The following MTHFD2 variants were observed in gnomAD, a reference collection of about 807,000 sequenced individuals.
MTHFD2 encodes methylenetetrahydrofolate dehydrogenase (NADP+ dependent) 2, methenyltetrahydrofolate cyclohydrolase, also known as bifunctional methylenetetrahydrofolate dehydrogenase/cyclohydrolase, mitochondrial.
A neutral mutation model predicts 36.8 loss-of-function variants in MTHFD2; 26 were observed. The observed-to-expected ratio is 0.71, with a 90% CI of 0.52 to 0.98. The LOEUF is 0.98. MTHFD2 is among the 50% of genes least tolerant of loss of function. MTHFD2 has a pLI of 0.00. For missense variants in MTHFD2, 373 were observed against 434.0 expected, an observed-to-expected ratio of 0.86 and a Z score of 1.25; for synonymous variants, 164 against 155.2, an observed-to-expected ratio of 1.06 and a Z score of -0.42.
intron 1 of MTHFD2, among the ~76,000 whole-genome samples, chr2:74,202,049 C>T (rs1694053353): frequency 6.6e-6 from 1 of 151,774 alleles, no homozygotes; most frequent in African/African-American, 2.4e-5. Context: ...TTCCCAGAAC[C>T]CTGTGTCCTT....
At chr2:74,203,928 T>TAGTTTAG (rs1463652033) in intron 1 of MTHFD2, among the ~76,000 whole-genome samples, 1 of 145,702 alleles carries the variant, frequency 6.9e-6, no homozygotes, top group African/African-American at 2.6e-5. Flanking sequence ...TAGTTTAGTT[T>TAGTTTAG]TTTGAGATGC....
chr2:74,208,695 G>T lies in MTHFD2; in HGVS notation c.536G>T (p.Gly179Val). 6.2e-7 allele frequency: 1 copy of T among 1,614,118 alleles called. No homozygotes were observed. Among genetic ancestry groups the T allele is most frequent in the Non-Finnish European group, 8.5e-7 (1 of 1,180,024 alleles). ...QYSMLPATPW[G>V]VWEIIKRTGI... ...TCCATGTTACCGGCTACTCCATGGG[G>T]TGTGTGGGAAATAATCAAGCGAACT... The change falls in exon 4 of 8, where the codon GGT becomes GTT. Residue 179 changes from glycine (G) to valine (V), a missense_variant. Coordinates refer to ENST00000394053, the MANE Select transcript of MTHFD2 (RefSeq NM_006636.4).
Position 74,213,233 on chromosome 2 carries a change from T to A in MTHFD2, c.890-846T>A, listed in dbSNP as rs548099274. Among the ~76,000 whole-genome samples, 15 of 151,606 alleles carry A rather than the reference T, an allele frequency of 9.9e-5. No individual in the cohort carries two copies. In the South Asian group the frequency reaches 3.1e-3, roughly 32 times the overall value. ...CTTTCAGTTCTTAAGATAGAATGTT[T>A]ATCCGAGTTTTATGCTGATAATCCT... On this transcript the variant is annotated intron_variant, in intron 7 of 7. Transcript: ENST00000394053.
At chr2:74,204,818 T>TGTTG (rs1437320130) in intron 1 of MTHFD2, among the ~76,000 whole-genome samples, 4 of 151,750 alleles carry the variant, frequency 2.6e-5, no homozygotes, top group Non-Finnish European at 5.9e-5. Context: ...CTGTCCAGTA[T>TGTTG]GTTGTTTGTT....
At chr2:74,199,386 T>G (rs1009352051) in intron 1 of MTHFD2, among the ~76,000 whole-genome samples, 3 of 151,978 alleles carry the variant, frequency 2.0e-5, no homozygotes, top group Non-Finnish European at 4.4e-5. Flanking sequence ...TACATAGAGG[T>G]GGCAAACATC....
rs1453192742 is a variant in MTHFD2 at position 74,216,877 on chromosome 2, G to C, written c.*2635G>C. ...CCCCCACCTCTGCCTCCCAAGTAGC[G>C]GGATTACAGGTGTGAGCCACTGTGT... On this transcript the variant is annotated 3_prime_UTR_variant, in exon 8 of 8. Coordinates refer to ENST00000394053, the MANE Select transcript of MTHFD2 (RefSeq NM_006636.4). The C allele has an allele frequency of 6.6e-6, 1 of 152,120 alleles. No individual in the cohort carries two copies. The highest frequency in any genetic ancestry group is 1.5e-5 in the Non-Finnish European group (1 of 68,050). 9.4% of individuals were successfully genotyped at this position (152,120 alleles called of 1,614,324 possible). A position where few individuals can be genotyped will look rare whatever the true frequency, so the allele number is the denominator to read the frequency against.
chr2:74,211,347 C>G, intron 6 of MTHFD2, 56 bp downstream of exon 6: 2 of 1,153,506 alleles, frequency 1.7e-6, no homozygotes, highest in South Asian at 2.7e-5. Flanking sequence ...GGAGGTTGTA[C>G]CCCTCATCTT....
intron 7 of MTHFD2, among the ~76,000 whole-genome samples, chr2:74,212,408 A>C (rs2103835554): frequency 6.6e-6 from 1 of 151,894 alleles, no homozygotes; most frequent in Non-Finnish European, 1.5e-5. Flanking sequence ...CCAGGACTAC[A>C]GGCATGGGCC....
At chr2:74,210,080 C>CT in intron 5 of MTHFD2, 31 bp downstream of exon 5, 4 of 1,565,568 alleles carry the variant, frequency 2.6e-6, no homozygotes, top group Non-Finnish European at 3.5e-6. Context: ...GAACACTGTC[C>CT]TTTTTTCCCC....
chr2:74,198,967 T>C (rs1485632099), intron 1 of MTHFD2, among the ~76,000 whole-genome samples: 1 of 152,040 alleles, frequency 6.6e-6, no homozygotes, highest in Non-Finnish European at 1.5e-5. Flanking sequence ...GAAGCCCGCC[T>C]TTCGGAGGGA....
chr2:74,206,106 C>T (rs1694174322), intron 2 of MTHFD2: 2 of 426,076 alleles, frequency 4.7e-6, no homozygotes, highest in African/African-American at 3.9e-5. Flanking sequence ...TTCTCTGTGG[C>T]TTCTGGAAAG....
At chr2:74,206,908 A>G (rs1469424251) in intron 2 of MTHFD2, among the ~76,000 whole-genome samples, 1 of 151,726 alleles carries the variant, frequency 6.6e-6, no homozygotes, top group East Asian at 2.0e-4. Context: ...GGGTTTCTCC[A>G]TGTTGGTCAG....
rs898256007 is a variant in MTHFD2, at chr2:74,200,467, T to C, written c.101+1725T>C. ...CATATTGCTTTCTTACTGCTGCTTA[T>C]TTTTTAAAATACTGTTTATTTTTAA... On this transcript the variant is annotated intron_variant, in intron 1 of 7. Coordinates refer to ENST00000394053, the MANE Select transcript of MTHFD2 (RefSeq NM_006636.4). Among the ~76,000 whole-genome samples the C allele has an allele frequency of 5.3e-5, 8 of 151,926 alleles. No individual in the cohort carries two copies. In the South Asian group the frequency reaches 6.2e-4, roughly 12 times the overall value.
intron 5 of MTHFD2, among the ~76,000 whole-genome samples, chr2:74,210,983 CACCATGTTG>C (rs1694292373): frequency 6.6e-6 from 1 of 152,142 alleles, no homozygotes; most frequent in Non-Finnish European, 1.5e-5. Flanking sequence ...GACGGGGTTT[CACCATGTTG>C]GCCAGGTTGG....
At chr2:74,212,263 C>CTTTT (rs398042480) in intron 7 of MTHFD2, among the ~76,000 whole-genome samples, 15 of 35,714 alleles carry the variant, frequency 4.2e-4, no homozygotes, top group African/African-American at 1.4e-3. Flanking sequence ...GTTTCTTTCT[C>CTTTT]TTTTTTTTTT....
rs1402170327 is a variant in MTHFD2 at position 74,216,673 on chromosome 2, A to C, written c.*2431A>C. 4.6e-5 allele frequency: 7 copies of C among 152,174 alleles called. No individual in the cohort carries two copies. The highest frequency in any genetic ancestry group is 4.6e-4 in the Admixed American group (7 of 15,278). The allele number at this position is 152,174 out of a possible 1,614,324, so 9.4% of individuals were successfully genotyped here. A position where few individuals can be genotyped will look rare whatever the true frequency, so the allele number is the denominator to read the frequency against. ...TCCCTGGCTGGAGTGCAGTGGCATG[A>C]TTATAGCTCACTGCAGCCTTGAACT... is the stretch of plus-strand genomic sequence containing the variant. On this transcript the variant is annotated 3_prime_UTR_variant, in exon 8 of 8. Coordinates refer to ENST00000394053, the MANE Select transcript of MTHFD2 (RefSeq NM_006636.4).
chr2:74,211,943 AC>A (rs1471428468), intron 7 of MTHFD2, 77 bp downstream of exon 7: 149 of 690,448 alleles, frequency 2.2e-4, no homozygotes, highest in South Asian at 4.4e-4. Context: ...TAGATTATTT[AC>A]TTTTTTTTTT....
chr2:74,211,878 A>G lies in MTHFD2; in HGVS notation c.889+12A>G, dbSNP rs757734515. On this transcript the variant is annotated intron_variant, in intron 7 of 7. Transcript: ENST00000394053. ...TGTGGATTTTGAAGGTAAATGGTGA[A>G]ATTTTATTTTTAAAAATGAAATCAA... 1 of 1,603,260 alleles carries G rather than the reference A, an allele frequency of 6.2e-7. No individual in the cohort carries two copies. The highest frequency in any genetic ancestry group is 1.1e-5 in the South Asian group (1 of 90,180).
rs1222116408 is a variant in MTHFD2 at position 74,209,804 on chromosome 2, T to C, written c.563-138T>C. On this transcript the variant is annotated intron_variant, in intron 4 of 7. Transcript: ENST00000394053. ...CTGTAGTATGCTTTCTCCTGTTTTCTTTTAGCCCTTATTATGTGTAGCAAG... is the reference window on the plus strand; with the variant it reads ...CTGTAGTATGCTTTCTCCTGTTTTCCTTTAGCCCTTATTATGTGTAGCAAG... 12 of 564,680 alleles carry C rather than the reference T, an allele frequency of 2.1e-5. No homozygotes were observed. The East Asian group carries it at 3.8e-4, about 18-fold the overall frequency. The allele number at this position is 564,680 out of a possible 1,614,324, so 35.0% of individuals were successfully genotyped here. A position where few individuals can be genotyped will look rare whatever the true frequency, so the allele number is the denominator to read the frequency against.
Sources: gnomAD v4.1 joint callset for allele counts (sites outside exome capture counted in the v4.1 genomes callset) on GRCh38, gnomAD v4.1.1 for gene constraint, MANE v1.5 for transcripts, NCBI Gene and HGNC (gene_info 2026-07-23, HGNC 2026-07-21) for gene names.